Variants in RBM25 observed in about 807,000 individuals in gnomAD.
RBM25 encodes the protein RNA binding motif protein 25.
A neutral mutation model predicts 120.7 loss-of-function variants in RBM25; 19 were observed. The observed-to-expected ratio is 0.16, with a 90% CI of 0.11 to 0.23. The LOEUF (loss-of-function observed/expected upper bound fraction) is 0.23, where lower values mean the gene tolerates loss of function less well. Among genes scored for constraint, RBM25 ranks in the 10% least tolerant of loss-of-function variants. The pLI is 1.00. For synonymous variants in RBM25, 390 were observed against 326.7 expected, an observed-to-expected ratio of 1.19 and a Z score of -2.09; for missense variants, 605 against 1,041.5, an observed-to-expected ratio of 0.58 and a Z score of 5.77.
At chr14:73,081,036 G>T (rs536393531) in intron 4 of RBM25, among the ~76,000 whole-genome samples, 6 of 151,874 alleles carry the variant, frequency 4.0e-5, no homozygotes, top group Non-Finnish European at 8.8e-5. Flanking sequence ...GGTTTGCCAG[G>T]CTGGTCTGGT....
chr14:73,075,251 T>C (rs967634039), intron 2 of RBM25, among the ~76,000 whole-genome samples: 3 of 150,482 alleles, frequency 2.0e-5, no homozygotes, highest in Non-Finnish European at 4.4e-5. Context: ...AACCTCTGCC[T>C]CCCGGGTTCA....
intron 6 of RBM25, among the ~76,000 whole-genome samples, chr14:73,095,711 T>C (rs933657349): frequency 2.0e-5 from 3 of 152,244 alleles, no homozygotes; most frequent in Admixed American, 1.3e-4. Flanking sequence ...GGTCAACTTA[T>C]AAAGTTACTG....
intron 1 of RBM25, chr14:73,068,734 C>G (rs1005866361): frequency 1.1e-4 from 31 of 284,166 alleles, no homozygotes; most frequent in African/African-American, 6.2e-4. Flanking sequence ...CAGCCACCCC[C>G]TCTCCTAATT....
chr14:73,077,364 C>T lies in RBM25; in HGVS notation c.157-5C>T. On this transcript the variant is annotated splice_region_variant and splice_polypyrimidine_tract_variant and intron_variant, in intron 3 of 18. Transcript: ENST00000261973. ...ATCAATTTTTATTTTGTTTCTTCAC[C>T]TTAGGTCTTAGTACCCACTGTGTCT... 1 of 1,589,774 alleles carries T rather than the reference C, an allele frequency of 6.3e-7. No individual in the cohort carries two copies. Among genetic ancestry groups the T allele is most frequent in the Non-Finnish European group, 8.5e-7 (1 of 1,170,242 alleles).
intron 14 of RBM25, among the ~76,000 whole-genome samples, chr14:73,110,128 G>A (rs1002796469): frequency 2.0e-5 from 3 of 150,452 alleles, no homozygotes; most frequent in Admixed American, 6.6e-5. Context: ...CAAGTGATCC[G>A]CCCATCTTGG....
intron 9 of RBM25, chr14:73,100,370 T>G (rs996013575): frequency 1.6e-6 from 1 of 644,936 alleles, no homozygotes; most frequent in African/African-American, 1.8e-5. Flanking sequence ...GATGTAAGTA[T>G]GAGCTTCTGT....
rs549954517 is a variant in RBM25, at chr14:73,120,649, G to A, written c.*844G>A. 1 of 152,196 alleles carries A rather than the reference G, an allele frequency of 6.6e-6. No individual in the cohort carries two copies. Among genetic ancestry groups the A allele is most frequent in the East Asian group, 1.9e-4 (1 of 5,188 alleles). The allele number at this position is 152,196 out of a possible 1,614,324, so 9.4% of individuals were successfully genotyped here. A position where few individuals can be genotyped will look rare whatever the true frequency, so the allele number is the denominator to read the frequency against. ...AATGAGGCATATCCTAAAAATCCTG[G>A]AGAGCTGTATTTAATGCATTTTTGC... On this transcript the variant is annotated 3_prime_UTR_variant, in exon 19 of 19. Transcript: ENST00000261973.
chr14:73,114,584 C>T (rs77746929), intron 18 of RBM25, among the ~76,000 whole-genome samples: 11,856 of 152,136 alleles, frequency 0.078, 574 homozygotes, highest in South Asian at 0.19. Flanking sequence ...GAATTTGATT[C>T]ACTTCCTGCC....
chr14:73,111,188 T>G, intron 15 of RBM25, 33 bp downstream of exon 15: 1 of 1,533,098 alleles, frequency 6.5e-7, no homozygotes, highest in Admixed American at 1.7e-5. Flanking sequence ...CTTTATTTTC[T>G]TCCCTTCACC....
At position 73,082,749 on chromosome 14, in the gene RBM25, C is replaced by G. The variant is rs573108126; in HGVS notation, c.325-745C>G. Among the ~76,000 whole-genome samples the G allele has an allele frequency of 1.3e-4, 20 of 151,978 alleles. No homozygotes were observed. The South Asian group carries it at 4.2e-3, about 32-fold the overall frequency. ...CTTTTCCCAAGTTATTTTTGCATAC[C>G]GTATCAAGCGTTTTCCCATGTTAAT... On this transcript the variant is annotated intron_variant, in intron 4 of 18. Transcript: ENST00000261973.
At chr14:73,075,018 T>A (rs1249213763) in intron 2 of RBM25, among the ~76,000 whole-genome samples, 1 of 150,050 alleles carries the variant, frequency 6.7e-6, no homozygotes, top group Non-Finnish European at 1.5e-5. Flanking sequence ...AATAAAGAAA[T>A]GGAGTTTTGC....
At chr14:73,080,213 C>CTTTTTT (rs766461418) in intron 4 of RBM25, among the ~76,000 whole-genome samples, 981 of 67,190 alleles carry the variant, frequency 0.015, 236 homozygotes, top group African/African-American at 0.037. Context: ...TCTTACACAT[C>CTTTTTT]TTTTTTTTTT....
At chr14:73,074,171 T>G (rs979648036) in intron 2 of RBM25, among the ~76,000 whole-genome samples, 5 of 152,218 alleles carry the variant, frequency 3.3e-5, no homozygotes, top group Admixed American at 1.3e-4. Flanking sequence ...TATCCTGATT[T>G]TCTTCATATA....
chr14:73,103,994 A>ACTCTCTCTCT (rs1209592511), intron 10 of RBM25, among the ~76,000 whole-genome samples: 17 of 99,438 alleles, frequency 1.7e-4, no homozygotes, highest in African/African-American at 6.2e-4. Flanking sequence ...ACACACACAC[A>ACTCTCTCTCT]CTCTCTCTCT....
At chr14:73,109,598 C>G (rs1038077698) in intron 14 of RBM25, 106 bp downstream of exon 14, 2 of 1,064,324 alleles carry the variant, frequency 1.9e-6, no homozygotes, top group Non-Finnish European at 2.7e-6. Context: ...TCGAGATCAT[C>G]CTGGCTAACA....
intron 5 of RBM25, among the ~76,000 whole-genome samples, chr14:73,083,881 C>A (rs1594909532): frequency 6.6e-6 from 1 of 150,502 alleles, no homozygotes. Flanking sequence ...GAAGAAGAGA[C>A]AATCATGGCC....
chr14:73,072,434 C>T (rs1311164735), intron 2 of RBM25, among the ~76,000 whole-genome samples: 1 of 152,086 alleles, frequency 6.6e-6, no homozygotes, highest in East Asian at 1.9e-4. Flanking sequence ...TTAGTTTTTT[C>T]TTGATTTTTC....
rs1896299372 is a variant in RBM25 at position 73,110,983 on chromosome 14, T to C, written c.1845T>C (p.Pro615=). The part of the protein sequence containing the change: ...EEPEQKPCLK[P]TLRPISSAPS... ...CAGAGCAAAAGCCTTGTCTGAAACC[T>C]ACTCTGAGGCCCATCAGCTCTGCTC... The change falls in exon 15 of 19, where the codon CCT becomes CCC. Residue 615 remains proline, a synonymous_variant. Transcript: ENST00000261973. 6.2e-7 allele frequency: 1 copy of C among 1,613,836 alleles called. No individual in the cohort carries two copies. Among genetic ancestry groups the C allele is most frequent in the Non-Finnish European group, 8.5e-7 (1 of 1,179,844 alleles).
chr14:73,109,280 G>A (rs1460442196), intron 13 of RBM25, 62 bp from the exon 14 acceptor site: 4 of 1,537,790 alleles, frequency 2.6e-6, no homozygotes, highest in Non-Finnish European at 3.5e-6. Context: ...TGTTGGAGAT[G>A]TCATGTTTAC....
Sources: allele counts gnomAD v4.1 joint callset (sites outside exome capture counted in the v4.1 genomes callset), GRCh38; gene constraint gnomAD v4.1.1; transcripts MANE v1.5; gene names NCBI Gene and HGNC (gene_info 2026-07-23, HGNC 2026-07-21).